TMEM74: variants seen among roughly 807,000 people sequenced by gnomAD.
TMEM74 encodes transmembrane protein 74.
In TMEM74, 13 loss-of-function variants were observed where a neutral mutation model predicts 18.1. The observed-to-expected ratio is 0.72, with a 90% CI of 0.47 to 1.14. TMEM74 has a LOEUF of 1.14. Among genes scored for constraint, TMEM74 ranks in the 50% most tolerant of loss-of-function variants. TMEM74 has a pLI of 0.00. For synonymous variants in TMEM74, 159 were observed against 146.6 expected, an observed-to-expected ratio of 1.08 and a Z score of -0.61; for missense variants, 372 against 375.9, an observed-to-expected ratio of 0.99 and a Z score of 0.09.
chr8:108,627,842 C>A (rs954530745), intron 2 of TMEM74, among the ~76,000 whole-genome samples: 5 of 151,950 alleles, frequency 3.3e-5, no homozygotes, highest in Admixed American at 3.3e-4. Flanking sequence ...GACTTGAGGT[C>A]AGGAGTTTGA....
chr8:108,734,403 C>T (rs1434894845), intron 1 of TMEM74, among the ~76,000 whole-genome samples: 1 of 151,966 alleles, frequency 6.6e-6, no homozygotes, highest in Non-Finnish European at 1.5e-5. Context: ...CCTAATAAAC[C>T]CCCCTTTCAT....
chr8:108,683,179 A>T (rs1006299997), intron 1 of TMEM74, among the ~76,000 whole-genome samples: 1 of 151,846 alleles, frequency 6.6e-6, no homozygotes, highest in Non-Finnish European at 1.5e-5. Flanking sequence ...CATCAGCTCA[A>T]AATGATTTAT....
intron 1 of TMEM74, among the ~76,000 whole-genome samples, chr8:108,731,117 C>T (rs1813691074): frequency 6.6e-6 from 1 of 151,860 alleles, no homozygotes; most frequent in African/African-American, 2.4e-5. Context: ...CTTTTATAAA[C>T]CTTTTTTGTG....
intron 1 of TMEM74, among the ~76,000 whole-genome samples, chr8:108,675,575 C>T (rs1020932145): frequency 6.6e-6 from 1 of 152,202 alleles, no homozygotes; most frequent in Non-Finnish European, 1.5e-5. Flanking sequence ...CCCAATATTA[C>T]AGGCTTTTTA....
intron 1 of TMEM74, among the ~76,000 whole-genome samples, chr8:108,682,713 A>G (rs527855148): frequency 2.0e-5 from 3 of 152,126 alleles, no homozygotes; most frequent in East Asian, 1.9e-4. Context: ...CTTAATTTTA[A>G]TGATTGCTTA....
chr8:108,647,166 A>G (rs1812728220), intron 2 of TMEM74, among the ~76,000 whole-genome samples: 1 of 152,092 alleles, frequency 6.6e-6, no homozygotes, highest in Admixed American at 6.6e-5. Flanking sequence ...CTTCTGCCTT[A>G]TGTATTAACA....
At position 108,738,768 on chromosome 8, in the gene TMEM74, C is replaced by T. The variant is rs57265147; in HGVS notation, n.119+48708G>A. On this transcript the variant is annotated intron_variant and non_coding_transcript_variant, in intron 1 of 3. Transcript: ENST00000518838. Reference sequence around the variant, plus strand: ...GAAATAACAAAATAAAAGCTGATTTCTCTTTTATGTTAATGAAGTCTAGGA... The same window carrying T: ...GAAATAACAAAATAAAAGCTGATTTTTCTTTTATGTTAATGAAGTCTAGGA... Among the ~76,000 whole-genome samples the T allele has an allele frequency of 3.3e-5, 5 of 152,194 alleles. No homozygotes were observed. In the South Asian group the frequency reaches 1.0e-3, roughly 32 times the overall value.
chr8:108,673,794 A>T (rs1455226720), intron 1 of TMEM74, among the ~76,000 whole-genome samples: 2 of 152,134 alleles, frequency 1.3e-5, no homozygotes, highest in East Asian at 3.9e-4. Flanking sequence ...ATCAGAACAG[A>T]TATTATTGTC....
chr8:108,639,676 T>C (rs1812643208), intron 2 of TMEM74, among the ~76,000 whole-genome samples: 1 of 152,144 alleles, frequency 6.6e-6, no homozygotes, highest in South Asian at 2.1e-4. Flanking sequence ...TGTTTATAAA[T>C]CTGACCCCAT....
At chr8:108,739,933 A>G (rs1198104837) in intron 1 of TMEM74, among the ~76,000 whole-genome samples, 2 of 152,138 alleles carry the variant, frequency 1.3e-5, no homozygotes, top group African/African-American at 4.8e-5. Context: ...GCAATCGTGG[A>G]GGCTGTGAAG....
intron 1 of TMEM74, among the ~76,000 whole-genome samples, chr8:108,684,899 G>C (rs766935018): frequency 1.3e-5 from 2 of 151,830 alleles, no homozygotes; most frequent in Non-Finnish European, 2.9e-5. Context: ...TTTTGCTCAA[G>C]ATTGCTTTGT....
chr8:108,754,280 ACT>A (rs1194196275), intron 1 of TMEM74, among the ~76,000 whole-genome samples: 1 of 152,086 alleles, frequency 6.6e-6, no homozygotes, highest in Non-Finnish European at 1.5e-5. Flanking sequence ...CTCATTTTAT[ACT>A]GTTAATAGAT....
chr8:108,783,442 T>G lies in TMEM74; in HGVS notation c.*739A>C, dbSNP rs938623606. 6.6e-6 allele frequency: 1 copy of G among 152,194 alleles called. No individual in the cohort carries two copies. Among genetic ancestry groups the G allele is most frequent in the African/African-American group, 2.4e-5 (1 of 41,440 alleles). The allele number at this position is 152,194 out of a possible 1,614,324, so 9.4% of individuals were successfully genotyped here. ...TCACAAAATATAAAACTTATATCAG[T>G]AACTAATTTGACTTCATTTTAAAAA... On this transcript the variant is annotated 3_prime_UTR_variant, in exon 2 of 2. Transcript: ENST00000297459.
intron 1 of TMEM74, among the ~76,000 whole-genome samples, chr8:108,678,521 C>A (rs1313380459): frequency 6.8e-6 from 1 of 147,708 alleles, no homozygotes; most frequent in Non-Finnish European, 1.5e-5. Context: ...CCCACCCCTG[C>A]ACCCAGCTAT....
At chr8:108,787,370 G>C (rs1814404905) in intron 1 of TMEM74, 106 bp downstream of exon 1, 1 of 152,228 alleles carries the variant, frequency 6.6e-6, no homozygotes, top group Non-Finnish European at 1.5e-5. Context: ...CTAGTACTCG[G>C]AGACGAAGGA....
intron 1 of TMEM74, among the ~76,000 whole-genome samples, chr8:108,687,647 G>A (rs1356764271): frequency 6.6e-6 from 1 of 151,982 alleles, no homozygotes. Context: ...TGGTCTGATG[G>A]GAGACAGTGA....
chr8:108,711,457 A>G (rs1320444525), intron 1 of TMEM74, among the ~76,000 whole-genome samples: 1 of 152,172 alleles, frequency 6.6e-6, no homozygotes, highest in Non-Finnish European at 1.5e-5. Context: ...TTCCTTCTTA[A>G]CTGATCTAAC....
intron 1 of TMEM74, among the ~76,000 whole-genome samples, chr8:108,727,315 C>T (rs1442419591): frequency 2.6e-5 from 4 of 152,114 alleles, no homozygotes; most frequent in African/African-American, 9.7e-5. Context: ...AAACAGGAAT[C>T]CACTAGGGGT....
chr8:108,616,077 G>A (rs372525285), intron 2 of TMEM74, among the ~76,000 whole-genome samples: 4 of 152,070 alleles, frequency 2.6e-5, no homozygotes, highest in East Asian at 1.9e-4. Context: ...GAGCCACTGC[G>A]CCTGGCCTGG....
Sources: allele counts gnomAD v4.1 joint callset (sites outside exome capture counted in the v4.1 genomes callset), GRCh38; gene constraint gnomAD v4.1.1; transcripts MANE v1.5; gene names NCBI Gene and HGNC (gene_info 2026-07-23, HGNC 2026-07-21).